The following FAS variants were observed in gnomAD, a reference collection of about 807,000 sequenced individuals.
The protein encoded by FAS is Fas cell surface death receptor, also known as tumor necrosis factor receptor superfamily member 6.
In FAS, 5 loss-of-function variants were observed where a neutral mutation model predicts 33.2. That is an observed-to-expected ratio of 0.15 (90% confidence interval 0.08 to 0.32). The LOEUF is 0.32. Among genes scored for constraint, FAS ranks in the 10% least tolerant of loss-of-function variants. The pLI is 1.00. For synonymous variants in FAS, 131 were observed against 130.7 expected, an observed-to-expected ratio of 1.00 and a Z score of -0.01; for missense variants, 339 against 386.0, an observed-to-expected ratio of 0.88 and a Z score of 1.02.
intron 1 of FAS, among the ~76,000 whole-genome samples, chr10:88,999,313 A>G (rs751804240): frequency 1.3e-5 from 2 of 152,182 alleles, no homozygotes; most frequent in South Asian, 2.1e-4. Flanking sequence ...CCCATAACCC[A>G]TCTATTTTCA....
rs563551720 is a variant in FAS, at chr10:89,010,583, C to G, written c.488C>G (p.Thr163Ser). 1.2e-6 allele frequency: 2 copies of G among 1,613,780 alleles called. No individual in the cohort carries two copies. The highest frequency in any genetic ancestry group is 1.7e-6 in the Non-Finnish European group (2 of 1,179,864). The part of the protein sequence containing the change: ...IIKECTLTSN[T>S]KCKEEGSRSN... ...AAGGAATGCACACTCACCAGCAACA[C>G]CAAGTGCAAAGAGGAAGGTAATTAT... is the stretch of plus-strand genomic sequence containing the variant. The change falls in exon 5 of 9, where the codon ACC becomes AGC. Residue 163 changes from threonine (T) to serine (S), a missense_variant. Around this residue, in one of 3 missense-constraint regions of FAS, gnomAD observed 276 missense variants for 300.1 expected, o/e 0.92. Coordinates refer to ENST00000652046, the MANE Select transcript of FAS (RefSeq NM_000043.6).
upstream of FAS, among the ~76,000 whole-genome samples, chr10:88,989,204 GC>G (rs1847021037): frequency 1.3e-5 from 2 of 152,124 alleles, no homozygotes; most frequent in Non-Finnish European, 2.9e-5. Context: ...TATGTGAGTT[GC>G]TGGCTTATAA....
intron 1 of FAS, among the ~76,000 whole-genome samples, chr10:88,968,234 T>C (rs927841278): frequency 2.6e-5 from 4 of 152,232 alleles, no homozygotes; most frequent in Non-Finnish European, 4.4e-5. Context: ...TCCAGAATAT[T>C]TGACTAACCA....
intron 2 of FAS, chr10:88,974,135 C>T (rs1020742815): frequency 6.6e-6 from 1 of 151,998 alleles, no homozygotes; most frequent in African/African-American, 2.4e-5. Context: ...TACATGTCTC[C>T]AGAGCTTTAA....
At chr10:89,014,002 A>T in intron 8 of FAS, 117 bp from the exon 9 acceptor site, 1 of 1,061,586 alleles carries the variant, frequency 9.4e-7, no homozygotes, top group Non-Finnish European at 1.4e-6. Context: ...AGCTCTTCAT[A>T]GACCTTTAGG....
chr10:89,003,160 T>C lies in FAS; in HGVS notation c.162T>C (p.His54=). Residue 54 remains histidine (H), a synonymous_variant, in exon 2 of 9, where the codon CAT becomes CAC. Transcript: ENST00000652046. ...CTCAGAACTTGGAAGGCCTGCATCA[T>C]GATGGCCAATTCTGCCATAAGCCCT... ...VETQNLEGLH[H]DGQFCHKPCP... 1 of 1,614,158 alleles carries C rather than the reference T, an allele frequency of 6.2e-7. No individual in the cohort carries two copies. Among genetic ancestry groups the C allele is most frequent in the Admixed American group, 1.7e-5 (1 of 60,022 alleles).
intron 2 of FAS, among the ~76,000 whole-genome samples, chr10:88,979,306 G>T (rs755580817): frequency 6.6e-6 from 1 of 152,070 alleles, no homozygotes; most frequent in Non-Finnish European, 1.5e-5. Flanking sequence ...CGGCTCTGCC[G>T]CAGGGTGCCT....
intron 6 of FAS, 92 bp downstream of exon 6, chr10:89,010,907 A>G (rs1848498533): frequency 7.0e-7 from 1 of 1,421,806 alleles, no homozygotes; most frequent in African/African-American, 1.4e-5. Context: ...AAAAGCTACC[A>G]CTTTGGTAGA....
At chr10:88,966,866 G>A (rs900592073) in intron 1 of FAS, among the ~76,000 whole-genome samples, 2 of 152,172 alleles carry the variant, frequency 1.3e-5, no homozygotes, top group East Asian at 3.8e-4. Context: ...GGTGTCAGGT[G>A]GTGTTTAAAT....
At position 89,008,928 on chromosome 10, in the gene FAS, C is replaced by G; in HGVS notation, c.374C>G (p.Thr125Ser). 6.2e-7 allele frequency: 1 copy of G among 1,614,036 alleles called. No individual in the cohort carries two copies. Among genetic ancestry groups the G allele is most frequent in the Non-Finnish European group, 8.5e-7 (1 of 1,179,894 alleles). ...VEINCTRTQN[T>S]KCRCKPNFFC... ...ATAAACTGCACCCGGACCCAGAATA[C>G]CAAGTGCAGATGTAAACCAAACTTT... The change falls in exon 4 of 9, where the codon ACC (threonine) becomes AGC (serine). Residue 125 changes from threonine to serine, a missense_variant. Around this residue, in one of 3 missense-constraint regions of FAS, gnomAD observed 276 missense variants for 300.1 expected, o/e 0.92. Transcript: ENST00000652046.
chr10:88,977,344 G>A (rs1846589604), intron 2 of FAS, among the ~76,000 whole-genome samples: 1 of 150,514 alleles, frequency 6.6e-6, no homozygotes, highest in African/African-American at 2.5e-5. Context: ...TTTTGTATAA[G>A]GTGTAAGGAA....
intron 1 of FAS, among the ~76,000 whole-genome samples, chr10:88,968,226 C>T (rs1362261430): frequency 2.6e-5 from 4 of 152,112 alleles, no homozygotes; most frequent in African/African-American, 9.7e-5. Flanking sequence ...CTCATTTATC[C>T]AGAATATTTG....
At chr10:88,965,796 T>C (rs1345919289) in intron 1 of FAS, among the ~76,000 whole-genome samples, 1 of 152,170 alleles carries the variant, frequency 6.6e-6, no homozygotes, top group Non-Finnish European at 1.5e-5. Context: ...GTCAATTTTA[T>C]GATCCACTGC....
intron 1 of FAS, among the ~76,000 whole-genome samples, chr10:88,964,098 GTTTAC>G (rs901945719): frequency 2.2e-4 from 33 of 151,206 alleles, no homozygotes; most frequent in African/African-American, 5.8e-4. Flanking sequence ...ATATATTTTA[GTTTAC>G]TTTAGTTTCA....
chr10:88,978,612 C>T (rs567198103), intron 2 of FAS, among the ~76,000 whole-genome samples: 2 of 152,248 alleles, frequency 1.3e-5, no homozygotes, highest in South Asian at 4.2e-4. Flanking sequence ...GAAGTGACAA[C>T]CAGTCAGGCT....
chr10:88,973,007 A>G (rs1052057518), intron 1 of FAS, among the ~76,000 whole-genome samples: 1 of 152,246 alleles, frequency 6.6e-6, no homozygotes, highest in Non-Finnish European at 1.5e-5. Flanking sequence ...AGAATACTAA[A>G]GCAAAATTGA....
At chr10:88,982,162 C>T (rs1226892706), upstream of FAS, among the ~76,000 whole-genome samples, 2 of 152,206 alleles carry the variant, frequency 1.3e-5, no homozygotes, top group East Asian at 1.9e-4. Context: ...CTGCAAGATC[C>T]TCAAGTGCTT....
intron 1 of FAS, among the ~76,000 whole-genome samples, chr10:88,995,001 G>A (rs1392756458): frequency 6.6e-6 from 1 of 151,660 alleles, no homozygotes; most frequent in Non-Finnish European, 1.5e-5. Flanking sequence ...ACGATAAAAA[G>A]CAACATAATT....
At chr10:88,983,046 C>A (rs1445417138), upstream of FAS, among the ~76,000 whole-genome samples, 1 of 152,052 alleles carries the variant, frequency 6.6e-6, no homozygotes, top group African/African-American at 2.4e-5. Flanking sequence ...TTAGACCTAC[C>A]GAATCAGAAT....
Sources: gnomAD v4.1 joint callset for allele counts (sites outside exome capture counted in the v4.1 genomes callset) on GRCh38, gnomAD v4.1.1 for gene constraint, gnomAD v4.1.1 regional missense constraint, MANE v1.5 for transcripts, NCBI Gene and HGNC (gene_info 2026-07-23, HGNC 2026-07-21) for gene names.